GPC6: variants seen among roughly 807,000 people sequenced by gnomAD.
GPC6 encodes the protein glypican-6.
Under a neutral mutation model 55.2 loss-of-function variants are expected in GPC6, and 14 were observed. The observed-to-expected ratio is 0.25, with a 90% CI of 0.17 to 0.40. The LOEUF is 0.40. GPC6 is among the 10% of genes least tolerant of loss of function. The pLI, the probability that GPC6 is intolerant of heterozygous loss-of-function variation, is 1.00. For missense variants in GPC6, 641 were observed against 708.5 expected (o/e 0.90, Z 1.08); for synonymous variants, 278 against 259.6 (o/e 1.07, Z -0.68).
intron 1 of GPC6, chr13:93,395,306 G>T: frequency 2.1e-6 from 1 of 481,738 alleles, no homozygotes; most frequent in East Asian, 5.0e-5. Context: ...TGAAGCACCA[G>T]CCATCTCTTG....
intron 5 of GPC6, among the ~76,000 whole-genome samples, chr13:94,296,730 G>A (rs1875353914): frequency 6.6e-6 from 1 of 152,266 alleles, no homozygotes; most frequent in South Asian, 2.1e-4. Flanking sequence ...TTTCTGTGGT[G>A]TAATTACTCC....
chr13:93,384,412 CAAAT>C (rs1215281496), intron 1 of GPC6, among the ~76,000 whole-genome samples: 2 of 145,790 alleles, frequency 1.4e-5, no homozygotes, highest in African/African-American at 5.1e-5. Context: ...AAAGGCAAAA[CAAAT>C]TAATTCTGGT....
intron 6 of GPC6, among the ~76,000 whole-genome samples, chr13:94,352,798 C>A (rs963888424): frequency 1.3e-5 from 2 of 152,106 alleles, no homozygotes; most frequent in African/African-American, 4.8e-5. Context: ...CTGATCTAGC[C>A]CACTAACTCA....
chr13:94,204,240 A>G (rs973661543), intron 4 of GPC6, among the ~76,000 whole-genome samples: 6 of 152,296 alleles, frequency 3.9e-5, no homozygotes, highest in Admixed American at 3.9e-4. Context: ...GATAAACAAA[A>G]AGGGTAGCTA....
chr13:93,391,918 G>A (rs957734743), intron 1 of GPC6, among the ~76,000 whole-genome samples: 3 of 152,042 alleles, frequency 2.0e-5, no homozygotes, highest in Admixed American at 6.6e-5. Context: ...GTTATTGAAC[G>A]TCTAGTTTCT....
intron 1 of GPC6, among the ~76,000 whole-genome samples, chr13:93,326,353 G>A (rs189050214): frequency 3.1e-4 from 47 of 152,260 alleles, no homozygotes; most frequent in Non-Finnish European, 3.7e-4. Context: ...TGCCAGGTGA[G>A]CTGATGCTGC....
In GPC6 at chr13:94,143,147, G is replaced by GA. The variant is rs199930226; in HGVS notation, c.877+115264dup. Among the ~76,000 whole-genome samples the GA allele has an allele frequency of 2.2e-3, 315 of 144,458 alleles. 1 individual carries two copies. The highest frequency in any genetic ancestry group is 3.5e-3 in the Middle Eastern group (1 of 284). 94.8% of individuals were successfully genotyped at this position (144,458 alleles called of 152,430 possible). On this transcript the variant is annotated intron_variant, in intron 4 of 8. Transcript: ENST00000377047. ...GCCAGATGGCTGGCTACCTTTTAAT[G>GA]AAAAAAAAAAAGATATATAAAAACA...
chr13:93,375,815 G>A (rs963170582), intron 1 of GPC6, among the ~76,000 whole-genome samples: 2 of 152,210 alleles, frequency 1.3e-5, no homozygotes, highest in Admixed American at 1.3e-4. Context: ...AGAAGTTGGA[G>A]AAAATGAGGA....
chr13:93,492,841 T>A (rs1369824785), intron 1 of GPC6, among the ~76,000 whole-genome samples: 11 of 150,456 alleles, frequency 7.3e-5, no homozygotes, highest in South Asian at 4.3e-4. Context: ...TTGGCATATA[T>A]TGAACCAGCC....
intron 3 of GPC6, among the ~76,000 whole-genome samples, chr13:93,942,590 G>A (rs2140364480): frequency 6.6e-6 from 1 of 152,272 alleles, no homozygotes; most frequent in Non-Finnish European, 1.5e-5. Context: ...CCAAAGGAGT[G>A]GGATTACAGG....
intron 1 of GPC6, among the ~76,000 whole-genome samples, chr13:93,259,186 T>C (rs769674603): frequency 6.6e-6 from 1 of 152,186 alleles, no homozygotes; most frequent in Non-Finnish European, 1.5e-5. Context: ...TCATAATATG[T>C]GCTCATGAAC....
At chr13:93,471,948 TTCTA>T (rs781367962) in intron 1 of GPC6, among the ~76,000 whole-genome samples, 1 of 152,200 alleles carries the variant, frequency 6.6e-6, no homozygotes, top group East Asian at 1.9e-4. Flanking sequence ...TATCTATGTG[TTCTA>T]TCTGTTACCA....
intron 1 of GPC6, among the ~76,000 whole-genome samples, chr13:93,510,000 T>A (rs1023477113): frequency 6.6e-6 from 1 of 152,198 alleles, no homozygotes; most frequent in Admixed American, 6.5e-5. Flanking sequence ...TAATTTATAC[T>A]TTAAGGCATA....
chr13:94,218,088 A>G (rs1403329745), intron 4 of GPC6, among the ~76,000 whole-genome samples: 2 of 152,186 alleles, frequency 1.3e-5, no homozygotes, highest in Non-Finnish European at 2.9e-5. Flanking sequence ...AACGTGATAG[A>G]CACATAAAAT....
At chr13:93,387,949 A>AAT (rs139873202) in intron 1 of GPC6, among the ~76,000 whole-genome samples, 55 of 151,266 alleles carry the variant, frequency 3.6e-4, no homozygotes, top group East Asian at 1.4e-3. Flanking sequence ...CTTAGTTCCC[A>AAT]ATATATATAT....
At chr13:94,196,210 G>T (rs751430685) in intron 4 of GPC6, among the ~76,000 whole-genome samples, 11 of 150,596 alleles carry the variant, frequency 7.3e-5, no homozygotes, top group Non-Finnish European at 1.3e-4. Context: ...CTTAATTAGG[G>T]TTTACAGCAC....
chr13:93,712,615 A>G lies in GPC6; in HGVS notation c.320-117539A>G, dbSNP rs1883108845. Among the ~76,000 whole-genome samples, 5 of 151,818 alleles carry G rather than the reference A, an allele frequency of 3.3e-5. No homozygotes were observed. In the South Asian group the frequency reaches 1.0e-3, roughly 32 times the overall value. ...TGTATGATCAAATTTACCTATTAAA[A>G]TAATTTTTGGGGAGTCCTAAATGGA... is the stretch of plus-strand genomic sequence containing the variant. On this transcript the variant is annotated intron_variant, in intron 2 of 8. Coordinates refer to ENST00000377047, the MANE Select transcript of GPC6 (RefSeq NM_005708.5).
At chr13:93,588,697 A>G (rs1335347288) in intron 2 of GPC6, among the ~76,000 whole-genome samples, 4 of 152,120 alleles carry the variant, frequency 2.6e-5, no homozygotes, top group Non-Finnish European at 5.9e-5. Context: ...AATGCCACAC[A>G]CTTTTAAATG....
At chr13:93,628,961 A>G (rs1306308505) in intron 2 of GPC6, among the ~76,000 whole-genome samples, 1 of 151,908 alleles carries the variant, frequency 6.6e-6, no homozygotes, top group Non-Finnish European at 1.5e-5. Context: ...CCCAATTTTG[A>G]AATGTTTTCC....
Sources: gnomAD v4.1 joint callset for allele counts (sites outside exome capture counted in the v4.1 genomes callset) on GRCh38, gnomAD v4.1.1 for gene constraint, MANE v1.5 for transcripts, NCBI Gene and HGNC (gene_info 2026-07-23, HGNC 2026-07-21) for gene names.